ACTR1B: variants seen among roughly 807,000 people sequenced by gnomAD.
ACTR1B encodes actin related protein 1B, also known as beta-centractin.
ACTR1B carries 34 observed loss-of-function variants against 49.4 expected under a neutral mutation model. That is an observed-to-expected ratio of 0.69 (90% CI 0.52 to 0.92). The LOEUF (loss-of-function observed/expected upper bound fraction) is 0.92. Ranked by LOEUF, ACTR1B falls within the 40% of genes least tolerant of loss-of-function variation. ACTR1B has a pLI of 0.00. For synonymous variants in ACTR1B, 207 were observed against 207.8 expected, an observed-to-expected ratio of 1.00 and a Z score of 0.03; for missense variants, 471 against 522.4, an observed-to-expected ratio of 0.90 and a Z score of 0.96.
chr2:97,660,855 C>A (rs896856040), intron 2 of ACTR1B, among the ~76,000 whole-genome samples: 1 of 152,182 alleles, frequency 6.6e-6, no homozygotes, highest in African/African-American at 2.4e-5. Flanking sequence ...GGTCAGAAGG[C>A]ACGGTCAGCA....
Position 97,659,049 on chromosome 2 carries a change from A to G in ACTR1B, c.316-46T>C, listed in dbSNP as rs375681723. 3.7e-4 allele frequency: 604 copies of G among 1,610,902 alleles called. No individual in the cohort carries two copies. The highest frequency in any genetic ancestry group is 4.7e-4 in the Non-Finnish European group (548 of 1,178,184). ...GTAGGCATCAGAGGAGGCAACTTGC[A>G]AGGCCCTAAAAGGCTCTTTCCAGAG... is the stretch of plus-strand genomic sequence containing the variant. On this transcript the variant is annotated intron_variant, in intron 4 of 10. Transcript: ENST00000289228. The surrounding 1 kb of genome is among the most constrained non-coding windows in gnomAD (Gnocchi z 4.0).
In ACTR1B at chr2:97,659,624, T is replaced by C; in HGVS notation, c.190-147A>G. On this transcript the variant is annotated intron_variant, in intron 3 of 10. Coordinates refer to ENST00000289228, the MANE Select transcript of ACTR1B (RefSeq NM_005735.4). This position sits in a 1 kb window ranked among gnomAD's most constrained non-coding sequence, Gnocchi z 4.0. The stretch of plus-strand genomic sequence containing the variant: ...CCTGCTCACTGGGTGTCCCAGGGTC[T>C]GTGGCGGGTCCTGAACTCAGCATGG... 1 of 1,258,358 alleles carries C rather than the reference T, an allele frequency of 7.9e-7. No homozygotes were observed. Among genetic ancestry groups the C allele is most frequent in the South Asian group, 1.4e-5 (1 of 70,836 alleles). 77.9% of individuals were successfully genotyped at this position (1,258,358 alleles called of 1,614,324 possible). A position where few individuals can be genotyped will look rare whatever the true frequency, so the allele number is the denominator to read the frequency against.
At position 97,658,064 on chromosome 2, in the gene ACTR1B, G is replaced by C. The variant is rs1042705; in HGVS notation, c.804C>G (p.Val268=). The C allele has an allele frequency of 0.68, 1,103,459 of 1,613,870 alleles. 391,524 individuals are homozygous for C. Among genetic ancestry groups the C allele is most frequent in the Non-Finnish European group, 0.74 (867,726 of 1,179,940 alleles). ...CATGGAGCCCCTCACTCTCATCCCC[G>C]ACAAGGTCCGGCTGGAACAGCAGCT... ...APELLFQPDL[V]GDESEGLHEV... Residue 268 remains valine (V), a synonymous_variant, in exon 8 of 11, where the codon GTC becomes GTG. Coordinates refer to ENST00000289228, the MANE Select transcript of ACTR1B (RefSeq NM_005735.4). This position sits in a 1 kb window ranked among gnomAD's most constrained non-coding sequence, Gnocchi z 5.9.
At chr2:97,661,858 G>C in intron 2 of ACTR1B, 24 bp downstream of exon 2, 1 of 1,573,222 alleles carries the variant, frequency 6.4e-7, no homozygotes, top group Non-Finnish European at 8.6e-7. Flanking sequence ...AAAGGACTAA[G>C]GCTGCTGCCT....
At chr2:97,657,315 G>T in intron 9 of ACTR1B, 123 bp from the exon 10 acceptor site, 2 of 1,501,422 alleles carry the variant, frequency 1.3e-6, no homozygotes, top group Non-Finnish European at 9.2e-7. Flanking sequence ...GGGAGTGGCA[G>T]CAGCAGCCTT....
Position 97,659,122 on chromosome 2 carries a change from A to G in ACTR1B, c.316-119T>C. 6.6e-7 allele frequency: 1 copy of G among 1,519,460 alleles called. No homozygotes were observed. The highest frequency in any genetic ancestry group is 9.0e-7 in the Non-Finnish European group (1 of 1,112,648). 94.1% of individuals were successfully genotyped at this position (1,519,460 alleles called of 1,614,324 possible). A position where few individuals can be genotyped will look rare whatever the true frequency, so the allele number is the denominator to read the frequency against. On this transcript the variant is annotated intron_variant, in intron 4 of 10. Coordinates refer to ENST00000289228, the MANE Select transcript of ACTR1B (RefSeq NM_005735.4). The surrounding 1 kb of genome is among the most constrained non-coding windows in gnomAD (Gnocchi z 4.0). ...GCAGCTCAGCCTCCTACCCCTCCTG[A>G]GGGCCCCATCCCTTTATCTGCTGGC...
rs761883274 is a variant in ACTR1B, at chr2:97,658,598, G to A, written c.486C>T (p.Asp162=). The A allele has an allele frequency of 3.7e-5, 59 of 1,613,864 alleles. No homozygotes were observed. Among genetic ancestry groups the A allele is most frequent in the Middle Eastern group, 1.6e-4 (1 of 6,084 alleles). Residue 162 remains aspartate, a synonymous_variant, in exon 6 of 11, where the codon GAC becomes GAT. Coordinates refer to ENST00000289228, the MANE Select transcript of ACTR1B (RefSeq NM_005735.4). The surrounding 1 kb of genome is among the most constrained non-coding windows in gnomAD (Gnocchi z 5.9). ...AGATGGGCACAGCATGAGTGACCCCGTCCCCTGAGTCTAGAACCACTCCTG... is the reference window on the plus strand; with the variant it reads ...AGATGGGCACAGCATGAGTGACCCCATCCCCTGAGTCTAGAACCACTCCTG... ...RTTGVVLDSG[D]GVTHAVPIYE...
At position 97,656,782 on chromosome 2, in the gene ACTR1B, G is replaced by A; in HGVS notation, c.*76C>T. Reference sequence around the variant, plus strand: ...AGGGGACCCTAAGCCTAGTATACGAGCCAAGACCAAAAAGGGTTAAAGGCT... The same window carrying A: ...AGGGGACCCTAAGCCTAGTATACGAACCAAGACCAAAAAGGGTTAAAGGCT... On this transcript the variant is annotated 3_prime_UTR_variant, in exon 11 of 11. Transcript: ENST00000289228. 5 of 1,307,738 alleles carry A rather than the reference G, an allele frequency of 3.8e-6. No individual in the cohort carries two copies. Among genetic ancestry groups the A allele is most frequent in the African/African-American group, 1.5e-5 (1 of 68,214 alleles). 81.0% of individuals were successfully genotyped at this position (1,307,738 alleles called of 1,614,324 possible). A position where few individuals can be genotyped will look rare whatever the true frequency, so the allele number is the denominator to read the frequency against.
At position 97,658,534 on chromosome 2, in the gene ACTR1B, C is replaced by A. The variant is rs780328059; in HGVS notation, c.550G>T (p.Asp184Tyr). 1.1e-5 allele frequency: 18 copies of A among 1,613,966 alleles called. No homozygotes were observed. Among genetic ancestry groups the A allele is most frequent in the Non-Finnish European group, 1.5e-5 (18 of 1,180,026 alleles). ...CGGGAGACGTCGCGGCCGGCAATGTCCACCCGCATGATGGAGTGAGGCATG... is the reference window on the plus strand; with the variant it reads ...CGGGAGACGTCGCGGCCGGCAATGTACACCCGCATGATGGAGTGAGGCATG... Reference protein sequence around the residue: ...FAMPHSIMRVDIAGRDVSRYL... With the variant: ...FAMPHSIMRVYIAGRDVSRYL... Residue 184 changes from aspartate (D) to tyrosine (Y), a missense_variant, in exon 6 of 11, where the codon GAC becomes TAC. Transcript: ENST00000289228. This position sits in a 1 kb window ranked among gnomAD's most constrained non-coding sequence, Gnocchi z 5.9.
chr2:97,657,839 C>G, intron 8 of ACTR1B, 104 bp downstream of exon 8: 1 of 1,396,950 alleles, frequency 7.2e-7, no homozygotes, highest in Non-Finnish European at 9.8e-7. Flanking sequence ...CATTGAGCAC[C>G]ACCAAAAAGC....
chr2:97,656,800 T>TA lies in ACTR1B; in HGVS notation c.*57dup, dbSNP rs1674853264. The TA allele has an allele frequency of 6.9e-7, 1 of 1,445,970 alleles. No homozygotes were observed. The highest frequency in any genetic ancestry group is 1.2e-5 in the South Asian group (1 of 81,762). The allele number at this position is 1,445,970 out of a possible 1,614,324, so 89.6% of individuals were successfully genotyped here. ...TATACGAGCCAAGACCAAAAAGGGT[T>TA]AAAGGCTCTGTCTCCCCTCCCTCCC... On this transcript the variant is annotated 3_prime_UTR_variant, in exon 11 of 11. Coordinates refer to ENST00000289228, the MANE Select transcript of ACTR1B (RefSeq NM_005735.4).
rs749160469 is a variant in ACTR1B at position 97,661,937 on chromosome 2, C to A, written c.58G>T (p.Val20Leu). The A allele has an allele frequency of 8.8e-6, 14 of 1,592,158 alleles. No homozygotes were observed. The Admixed American group carries it at 2.4e-4, about 28-fold the overall frequency. The change falls in exon 2 of 11, where the codon GTG (valine) becomes TTG (leucine). Residue 20 changes from valine to leucine, a missense_variant. Val to Leu is a conservative substitution (Grantham distance 32). Coordinates refer to ENST00000289228, the MANE Select transcript of ACTR1B (RefSeq NM_005735.4). ...TCTCCTGCAAAGCCAGCTTTAATCA[C>A]CCCCGAACCCTGCAAGGAAAAACAA... Reference protein sequence around the residue: ...QPVVIDNGSGVIKAGFAGDQI... With the variant: ...QPVVIDNGSGLIKAGFAGDQI...
rs1390360974 is a variant in ACTR1B at position 97,658,519 on chromosome 2, C to G, written c.565G>C (p.Asp189His). ...SIMRVDIAGRDVSRYLRLLLR... is the reference protein window; with the variant it reads ...SIMRVDIAGRHVSRYLRLLLR... ...AGGAGTCGGAGGTAGCGGGAGACGTCGCGGCCGGCAATGTCCACCCGCATG... is the reference window on the plus strand; with the variant it reads ...AGGAGTCGGAGGTAGCGGGAGACGTGGCGGCCGGCAATGTCCACCCGCATG... The change falls in exon 6 of 11, where the codon GAC becomes CAC. Residue 189 changes from aspartate to histidine, a missense_variant. Transcript: ENST00000289228. This position sits in a 1 kb window ranked among gnomAD's most constrained non-coding sequence, Gnocchi z 5.9. The G allele has an allele frequency of 1.2e-6, 2 of 1,614,088 alleles. No individual in the cohort carries two copies. The highest frequency in any genetic ancestry group is 4.5e-5 in the East Asian group (2 of 44,860).
intron 2 of ACTR1B, among the ~76,000 whole-genome samples, chr2:97,661,097 T>C (rs944304051): frequency 6.6e-6 from 1 of 152,250 alleles, no homozygotes; most frequent in Non-Finnish European, 1.5e-5. Context: ...CCAGCGCTTC[T>C]GGATCAGAGA....
Position 97,657,449 on chromosome 2 carries a change from T to G in ACTR1B, c.986A>C (p.Lys329Thr). The change falls in exon 9 of 11, where the codon AAG becomes ACG. Residue 329 changes from lysine (K) to threonine (T), a missense_variant and splice_region_variant. Lys to Thr is a moderately conservative substitution (Grantham distance 78). Transcript: ENST00000289228. ...CAGGGGGAGTTTCTGTAACCTCACC[T>G]TGATTTTGATATCCTTTGGGGCAAG... is the stretch of plus-strand genomic sequence containing the variant. ...KKLAPKDIKIKISAPQERLYS... is the reference protein window; with the variant it reads ...KKLAPKDIKITISAPQERLYS... 2 of 1,614,236 alleles carry G rather than the reference T, an allele frequency of 1.2e-6. No individual in the cohort carries two copies. Among genetic ancestry groups the G allele is most frequent in the Non-Finnish European group, 1.7e-6 (2 of 1,180,028 alleles).
chr2:97,661,766 G>C, intron 2 of ACTR1B, 116 bp downstream of exon 2: 1 of 987,908 alleles, frequency 1.0e-6, no homozygotes, highest in South Asian at 1.5e-5. Flanking sequence ...CACAAATTTG[G>C]TGTTTTCCAT....
In ACTR1B at chr2:97,656,834, A is replaced by T. The variant is rs1674854437; in HGVS notation, c.*24T>A. The stretch of plus-strand genomic sequence containing the variant: ...TGTCTCCCCTCCCTCCCCCTCTCCC[A>T]ACATGCCCCGCCCTCCTTGGGCACT... On this transcript the variant is annotated 3_prime_UTR_variant, in exon 11 of 11. Transcript: ENST00000289228. 6.4e-7 allele frequency: 1 copy of T among 1,552,136 alleles called. No homozygotes were observed. The highest frequency in any genetic ancestry group is 8.7e-7 in the Non-Finnish European group (1 of 1,142,954).
In ACTR1B at chr2:97,658,351, C is replaced by T; in HGVS notation, c.658-35G>A. 1 of 1,613,832 alleles carries T rather than the reference C, an allele frequency of 6.2e-7. No homozygotes were observed. Among genetic ancestry groups the T allele is most frequent in the Non-Finnish European group, 8.5e-7 (1 of 1,179,750 alleles). On this transcript the variant is annotated intron_variant, in intron 6 of 10. Coordinates refer to ENST00000289228, the MANE Select transcript of ACTR1B (RefSeq NM_005735.4). This position sits in a 1 kb window ranked among gnomAD's most constrained non-coding sequence, Gnocchi z 5.9. ...CAGGGACACAGCCCTCAGAAGGCTG[C>T]ACCTGGGACACCTGTGCCTTGGTGC...
In ACTR1B at chr2:97,658,343, G is replaced by C. The variant is rs756781263; in HGVS notation, c.658-27C>G. ...TGCGGGGACAGGGACACAGCCCTCA[G>C]AAGGCTGCACCTGGGACACCTGTGC... On this transcript the variant is annotated intron_variant, in intron 6 of 10. Transcript: ENST00000289228. This position sits in a 1 kb window ranked among gnomAD's most constrained non-coding sequence, Gnocchi z 5.9. 5 of 1,614,006 alleles carry C rather than the reference G, an allele frequency of 3.1e-6. No individual in the cohort carries two copies. In the African/African-American group the frequency reaches 6.7e-5, roughly 22 times the overall value.
Sources: gnomAD v4.1 joint callset for allele counts (sites outside exome capture counted in the v4.1 genomes callset) on GRCh38, gnomAD v4.1.1 for gene constraint, Gnocchi (gnomAD v3.1) non-coding constraint, MANE v1.5 for transcripts, NCBI Gene and HGNC (gene_info 2026-07-23, HGNC 2026-07-21) for gene names.